Variants in CADM2 observed in about 807,000 individuals in gnomAD.
CADM2 encodes immunoglobulin superfamily member 4D.
CADM2 carries 12 observed loss-of-function variants against 49.8 expected under a neutral mutation model. That is an observed-to-expected ratio of 0.24 (90% confidence interval 0.15 to 0.39). The LOEUF (loss-of-function observed/expected upper bound fraction) is 0.39, where lower values mean the gene tolerates loss of function less well. Ranked by LOEUF, CADM2 falls within the 10% of genes least tolerant of loss-of-function variation. The pLI is 1.00. For synonymous variants in CADM2, 214 were observed against 175.4 expected (o/e 1.22, Z -1.74); for missense variants, 378 against 492.3 (o/e 0.77, Z 2.20).
chr3:85,628,772 G>A (rs2064212151), intron 1 of CADM2, among the ~76,000 whole-genome samples: 1 of 150,322 alleles, frequency 6.7e-6, no homozygotes, highest in East Asian at 2.0e-4. Context: ...AAATAGTAAA[G>A]GCTCAAATGG....
At chr3:85,446,366 G>T (rs976654268) in intron 1 of CADM2, among the ~76,000 whole-genome samples, 2 of 152,090 alleles carry the variant, frequency 1.3e-5, no homozygotes, top group African/African-American at 4.8e-5. Flanking sequence ...TACTTTCAGT[G>T]CATTATTTAT....
At chr3:85,833,993 A>AT (rs1402060353) in intron 3 of CADM2, among the ~76,000 whole-genome samples, 3 of 151,684 alleles carry the variant, frequency 2.0e-5, no homozygotes, top group Non-Finnish European at 4.4e-5. Context: ...ATCCATGTAC[A>AT]TGGGATGTAT....
At chr3:85,613,090 G>A (rs1442177990) in intron 1 of CADM2, among the ~76,000 whole-genome samples, 4 of 151,644 alleles carry the variant, frequency 2.6e-5, no homozygotes, top group Admixed American at 2.6e-4. Flanking sequence ...ACACACACAG[G>A]AATAAGGTAG....
At chr3:84,994,798 G>A (rs1477614141) in intron 1 of CADM2, among the ~76,000 whole-genome samples, 3 of 152,032 alleles carry the variant, frequency 2.0e-5, no homozygotes, top group Non-Finnish European at 4.4e-5. Context: ...GGAGGCCCAG[G>A]TGGCCAGATC....
chr3:85,580,294 T>TC (rs1314877383), intron 1 of CADM2, among the ~76,000 whole-genome samples: 1 of 152,118 alleles, frequency 6.6e-6, no homozygotes, highest in Non-Finnish European at 1.5e-5. Context: ...TTGTCTAACA[T>TC]CATTCATGTT....
chr3:85,830,683 T>A (rs1218461041), intron 3 of CADM2, among the ~76,000 whole-genome samples: 1 of 151,878 alleles, frequency 6.6e-6, no homozygotes, highest in Non-Finnish European at 1.5e-5. Context: ...CCATTTCAAG[T>A]TACTTTTGTA....
chr3:85,748,809 A>G (rs2068738837), intron 2 of CADM2, among the ~76,000 whole-genome samples: 1 of 152,128 alleles, frequency 6.6e-6, no homozygotes, highest in African/African-American at 2.4e-5. Flanking sequence ...AGTTCTTAAT[A>G]TAGCAACTAG....
chr3:85,028,182 T>C (rs1226341335), intron 1 of CADM2, among the ~76,000 whole-genome samples: 2 of 152,186 alleles, frequency 1.3e-5, no homozygotes, highest in Non-Finnish European at 2.9e-5. Flanking sequence ...AACCCTAATA[T>C]CAGAGAAGGT....
intron 7 of CADM2, among the ~76,000 whole-genome samples, chr3:85,948,722 A>C (rs1045021301): frequency 5.9e-5 from 9 of 151,304 alleles, no homozygotes; most frequent in African/African-American, 1.9e-4. Flanking sequence ...TAAAATAATA[A>C]AATAAAATAA....
At chr3:85,977,006 A>C (rs1726866729) in intron 8 of CADM2, among the ~76,000 whole-genome samples, 1 of 151,380 alleles carries the variant, frequency 6.6e-6, no homozygotes, top group Non-Finnish European at 1.5e-5. Context: ...TTTATACAAG[A>C]ATGCTCCTAG....
chr3:85,144,098 A>G (rs1182765089), intron 1 of CADM2, among the ~76,000 whole-genome samples: 1 of 152,114 alleles, frequency 6.6e-6, no homozygotes, highest in Admixed American at 6.6e-5. Context: ...CTACTGCACC[A>G]AAAACGTTGT....
chr3:85,763,446 G>A (rs2069497377), intron 2 of CADM2, among the ~76,000 whole-genome samples: 1 of 152,128 alleles, frequency 6.6e-6, no homozygotes, highest in South Asian at 2.1e-4. Context: ...CCCATACAAA[G>A]GTAGCTTTAT....
At chr3:85,648,192 T>TTGATA (rs2064944599) in intron 1 of CADM2, among the ~76,000 whole-genome samples, 1 of 151,936 alleles carries the variant, frequency 6.6e-6, no homozygotes, top group Admixed American at 6.6e-5. Context: ...ATTAGTTTCA[T>TTGATA]TGATATGACA....
intron 1 of CADM2, among the ~76,000 whole-genome samples, chr3:85,666,508 C>CA (rs916428095): frequency 6.6e-6 from 1 of 151,688 alleles, no homozygotes; most frequent in Non-Finnish European, 1.5e-5. Flanking sequence ...AGAAAACACA[C>CA]AAAAAAATAT....
Position 85,291,591 on chromosome 3 carries a change from T to C in CADM2, c.61+331923T>C, listed in dbSNP as rs879945547. On this transcript the variant is annotated intron_variant, in intron 1 of 9. Coordinates refer to ENST00000383699, the MANE Select transcript of CADM2 (RefSeq NM_001167675.2). Reference sequence around the variant, plus strand: ...CCCATCAGACTAACAGCGGATCTCTTGGCAGAAACCCTACAAGCCAGAAGA... The same window carrying C: ...CCCATCAGACTAACAGCGGATCTCTCGGCAGAAACCCTACAAGCCAGAAGA... Among the ~76,000 whole-genome samples, 576 of 147,264 alleles carry C rather than the reference T, an allele frequency of 3.9e-3. 8 individuals carry two copies. Among genetic ancestry groups the C allele is most frequent in the Non-Finnish European group, 3.8e-3 (255 of 67,894 alleles).
intron 1 of CADM2, among the ~76,000 whole-genome samples, chr3:85,471,740 G>A (rs2038777760): frequency 1.2e-5 from 1 of 85,926 alleles, no homozygotes; most frequent in East Asian, 4.4e-4. Context: ...TTTAAGTTCT[G>A]GGGTACATGT....
intron 1 of CADM2, among the ~76,000 whole-genome samples, chr3:85,366,001 C>T (rs1056757193): frequency 1.3e-5 from 2 of 152,134 alleles, no homozygotes; most frequent in Non-Finnish European, 2.9e-5. Context: ...CCCAACTACT[C>T]CTTAGCATCA....
intron 1 of CADM2, among the ~76,000 whole-genome samples, chr3:85,474,795 T>C (rs1361103435): frequency 1.3e-5 from 2 of 151,878 alleles, no homozygotes; most frequent in East Asian, 3.9e-4. Context: ...TTTTAAGGAT[T>C]TAATTTGTGT....
chr3:85,270,387 G>A (rs774333311), intron 1 of CADM2, among the ~76,000 whole-genome samples: 2 of 151,288 alleles, frequency 1.3e-5, no homozygotes, highest in Non-Finnish European at 1.5e-5. Context: ...ATATGTTCTA[G>A]ATGTATAGCA....
Sources: allele counts gnomAD v4.1 joint callset (sites outside exome capture counted in the v4.1 genomes callset), GRCh38; gene constraint gnomAD v4.1.1; transcripts MANE v1.5; gene names NCBI Gene and HGNC (gene_info 2026-07-23, HGNC 2026-07-21).